The following MGST2 variants were observed in gnomAD, a reference collection of about 807,000 sequenced individuals.
MGST2 encodes microsomal glutathione S-transferase 2, also known as glutathione peroxidase MGST2.
Under a neutral mutation model 16.6 loss-of-function variants are expected in MGST2, and 9 were observed. The observed-to-expected ratio is 0.54, with a 90% CI of 0.33 to 0.95. The LOEUF (loss-of-function observed/expected upper bound fraction) is 0.95. Ranked by LOEUF, MGST2 falls within the 40% of genes least tolerant of loss-of-function variation. MGST2 has a pLI of 0.03. For synonymous variants in MGST2, 79 were observed against 68.0 expected (o/e 1.16, Z -0.79); for missense variants, 159 against 175.1 (o/e 0.91, Z 0.52).
intron 1 of MGST2, among the ~76,000 whole-genome samples, chr4:139,669,928 T>C (rs1396100289): frequency 6.6e-6 from 1 of 152,176 alleles, no homozygotes; most frequent in Non-Finnish European, 1.5e-5. Flanking sequence ...CAAAGTAACT[T>C]GTCAATGATT....
the MGST2 span, among the ~76,000 whole-genome samples, chr4:139,751,647 C>G: frequency 6.6e-6 from 1 of 152,110 alleles, no homozygotes; most frequent in Non-Finnish European, 1.5e-5. Context: ...GCCCCTAACC[C>G]TAAATAGTGC....
chr4:139,710,625 C>T (rs1727700369), intron 5 of MGST2, among the ~76,000 whole-genome samples: 1 of 152,132 alleles, frequency 6.6e-6, no homozygotes, highest in Non-Finnish European at 1.5e-5. Flanking sequence ...GAACAAAGCC[C>T]AATGCCATGC....
chr4:139,673,917 A>G (rs908797394), intron 1 of MGST2, among the ~76,000 whole-genome samples: 5 of 152,146 alleles, frequency 3.3e-5, no homozygotes, highest in African/African-American at 9.7e-5. Flanking sequence ...AAATCAATAC[A>G]TGGAGGTTAT....
intron 3 of MGST2, chr4:139,698,675 A>G: frequency 1.4e-6 from 1 of 692,124 alleles, no homozygotes; most frequent in Non-Finnish European, 2.5e-6. Flanking sequence ...TCCCACATAA[A>G]AGCTGCATTT....
chr4:139,705,436 A>G (rs1329678568), downstream of MGST2, among the ~76,000 whole-genome samples: 1 of 152,168 alleles, frequency 6.6e-6, no homozygotes, highest in Non-Finnish European at 1.5e-5. Flanking sequence ...ATGGAAATTC[A>G]GGCTGTGACA....
intron 5 of MGST2, among the ~76,000 whole-genome samples, chr4:139,710,653 T>C (rs1727701264): frequency 6.6e-6 from 1 of 152,176 alleles, no homozygotes; most frequent in Non-Finnish European, 1.5e-5. Flanking sequence ...TACATGGTGT[T>C]ATTTGCCAAC....
chr4:139,714,517 C>A (rs1727866448), intron 5 of MGST2, among the ~76,000 whole-genome samples: 1 of 152,172 alleles, frequency 6.6e-6, no homozygotes, highest in Non-Finnish European at 1.5e-5. Context: ...AAAAGTATTT[C>A]TTTTTGTTCT....
At chr4:139,684,738 G>A (rs1390266872) in intron 2 of MGST2, among the ~76,000 whole-genome samples, 1 of 152,218 alleles carries the variant, frequency 6.6e-6, no homozygotes, top group Non-Finnish European at 1.5e-5. Context: ...ACTTTTGAGA[G>A]TGCAGTAGTA....
intron 1 of MGST2, among the ~76,000 whole-genome samples, chr4:139,677,063 C>T (rs1208160656): frequency 1.3e-5 from 2 of 152,220 alleles, no homozygotes; most frequent in Admixed American, 6.5e-5. Context: ...TGAGCCTCCT[C>T]TTCTTCCCCT....
intron 3 of MGST2, among the ~76,000 whole-genome samples, chr4:139,696,658 T>C (rs1270935865): frequency 6.6e-6 from 1 of 152,220 alleles, no homozygotes; most frequent in East Asian, 1.9e-4. Context: ...ATTTCCTTGA[T>C]TGGCTCTGTT....
At chr4:139,671,503 T>C (rs1730689484) in intron 1 of MGST2, among the ~76,000 whole-genome samples, 1 of 146,604 alleles carries the variant, frequency 6.8e-6, no homozygotes, top group South Asian at 2.4e-4. Flanking sequence ...TACTGCTCTG[T>C]CGCCCGGGCT....
chr4:139,676,927 A>G (rs925115376), intron 1 of MGST2, among the ~76,000 whole-genome samples: 9 of 152,206 alleles, frequency 5.9e-5, no homozygotes, highest in Admixed American at 3.9e-4. Flanking sequence ...TCCCTTGTCC[A>G]GATCTGGGAG....
chr4:139,668,896 T>C (rs1730516502), intron 1 of MGST2, among the ~76,000 whole-genome samples: 1 of 152,122 alleles, frequency 6.6e-6, no homozygotes, highest in Non-Finnish European at 1.5e-5. Context: ...GTTGGGTCTT[T>C]GCTTGGCAGG....
At chr4:139,706,648 C>A (rs1727530009), downstream of MGST2, among the ~76,000 whole-genome samples, 1 of 152,118 alleles carries the variant, frequency 6.6e-6, no homozygotes, top group Admixed American at 6.6e-5. Context: ...CTGTTTTGCA[C>A]TTAAATTGGC....
Position 139,736,019 on chromosome 4 carries a change from T to A in MGST2, c.*49-4193T>A, listed in dbSNP as rs548475167. ...GCTGGGAAGGACACGAGGACAGAGA[T>A]GAGGATTGTTCGTGGCAGGAAAGAG... On this transcript the variant is annotated intron_variant, in intron 5 of 5. Transcript: ENST00000616265. Among the ~76,000 whole-genome samples, 5 of 152,256 alleles carry A rather than the reference T, an allele frequency of 3.3e-5. No individual in the cohort carries two copies. The East Asian group carries it at 9.6e-4, about 29-fold the overall frequency.
At chr4:139,676,814 C>T (rs8192053) in intron 1 of MGST2, among the ~76,000 whole-genome samples, 117 of 152,248 alleles carry the variant, frequency 7.7e-4, no homozygotes, top group Middle Eastern at 3.4e-3. Flanking sequence ...AAATATTTTA[C>T]CCAAGATAGA....
chr4:139,678,608 G>T lies in MGST2; in HGVS notation c.124G>T (p.Gly42Trp), dbSNP rs757683645. 2 of 1,614,066 alleles carry T rather than the reference G, an allele frequency of 1.2e-6. No individual in the cohort carries two copies. Among genetic ancestry groups the T allele is most frequent in the Admixed American group, 3.3e-5 (2 of 60,024 alleles). Residue 42 changes from glycine (G) to tryptophan (W), a missense_variant, in exon 2 of 5, where the codon GGG becomes TGG. Gly to Trp is a radical substitution (Grantham distance 184). Coordinates refer to ENST00000265498, the MANE Select transcript of MGST2 (RefSeq NM_002413.5). ...KYKVTPPAVT[G>W]SPEFERVFRA... is the part of the protein sequence containing the mutation. ...CAAAGTTACGCCCCCAGCAGTCACT[G>T]GGTCACCAGAGTTTGAGAGAGTATT...
intron 5 of MGST2, among the ~76,000 whole-genome samples, chr4:139,732,828 A>G (rs1728779728): frequency 6.6e-6 from 1 of 152,266 alleles, no homozygotes; most frequent in East Asian, 1.9e-4. Context: ...TCATAAGTGT[A>G]CTGCGTTCTA....
At chr4:139,676,413 C>G (rs1279841028) in intron 1 of MGST2, among the ~76,000 whole-genome samples, 2 of 152,138 alleles carry the variant, frequency 1.3e-5, no homozygotes, top group Non-Finnish European at 2.9e-5. Flanking sequence ...AATTGGCTCA[C>G]ACAGTTGTGG....
Sources: allele counts gnomAD v4.1 joint callset (sites outside exome capture counted in the v4.1 genomes callset), GRCh38; gene constraint gnomAD v4.1.1; transcripts MANE v1.5; gene names NCBI Gene and HGNC (gene_info 2026-07-23, HGNC 2026-07-21).